DMRT1: variants seen among roughly 807,000 people sequenced by gnomAD.
DMRT1 encodes the protein doublesex- and mab-3-related transcription factor 1.
Under a neutral mutation model 32.3 loss-of-function variants are expected in DMRT1, and 7 were observed. That is an observed-to-expected ratio of 0.22 (90% confidence interval 0.12 to 0.41). The LOEUF (loss-of-function observed/expected upper bound fraction) is 0.41. DMRT1 is among the 10% of genes least tolerant of loss of function. The pLI is 1.00. For missense variants in DMRT1, 625 were observed against 500.5 expected (o/e 1.25, Z -2.37); for synonymous variants, 278 against 206.1 (o/e 1.35, Z -2.99).
chr9:856,377 T>A (rs1301130695), intron 2 of DMRT1, among the ~76,000 whole-genome samples: 2 of 152,148 alleles, frequency 1.3e-5, no homozygotes, highest in African/African-American at 4.8e-5. Flanking sequence ...TTTTGGAACA[T>A]TTCAGTCACT....
chr9:879,656 C>G (rs2132626647), intron 2 of DMRT1, among the ~76,000 whole-genome samples: 1 of 152,238 alleles, frequency 6.6e-6, no homozygotes, highest in African/African-American at 2.4e-5. Flanking sequence ...GATGTGGAAA[C>G]CAAAACCATG....
At chr9:918,005 G>A (rs188938015) in intron 4 of DMRT1, among the ~76,000 whole-genome samples, 1 of 152,338 alleles carries the variant, frequency 6.6e-6, no homozygotes, top group East Asian at 1.9e-4. Context: ...TATATAATGT[G>A]TGCCCATAGG....
intron 4 of DMRT1, among the ~76,000 whole-genome samples, chr9:919,957 G>A (rs559043209): frequency 2.6e-5 from 4 of 152,212 alleles, no homozygotes; most frequent in East Asian, 1.9e-4. Context: ...GATTTTCTAC[G>A]TATTTGTACA....
At chr9:845,298 C>T (rs1243340223) in intron 1 of DMRT1, among the ~76,000 whole-genome samples, 1 of 152,092 alleles carries the variant, frequency 6.6e-6, no homozygotes, top group Admixed American at 6.5e-5. Context: ...CAACCTCCAC[C>T]TCCTGGCTTC....
At chr9:942,654 G>C (rs145954789) in intron 4 of DMRT1, among the ~76,000 whole-genome samples, 36 of 152,204 alleles carry the variant, frequency 2.4e-4, no homozygotes, top group African/African-American at 7.7e-4. Context: ...GGTTCTGGAG[G>C]TACATCTCAA....
At chr9:861,514 C>T (rs78319614) in intron 2 of DMRT1, among the ~76,000 whole-genome samples, 44,582 of 152,192 alleles carry the variant, frequency 0.29, 6,639 homozygotes, top group Middle Eastern at 0.36. Context: ...CCCCACATTT[C>T]CCCCTTTTCT....
intron 1 of DMRT1, among the ~76,000 whole-genome samples, chr9:844,153 G>A (rs1454366346): frequency 1.3e-5 from 2 of 152,118 alleles, no homozygotes; most frequent in African/African-American, 4.8e-5. Context: ...AGTAGAGGAG[G>A]CTGCTTACAC....
chr9:848,801 C>T (rs1409261462), intron 2 of DMRT1, among the ~76,000 whole-genome samples: 1 of 149,156 alleles, frequency 6.7e-6, no homozygotes, highest in Non-Finnish European at 1.5e-5. Context: ...GTGATCCACC[C>T]ACCTCAGCTT....
rs991994111 is a variant in DMRT1, at chr9:880,683, G to C, written c.539-13229G>C. 7.2e-5 allele frequency among the ~76,000 whole-genome samples: 10 copies of C among 139,692 alleles called. 1 individual carries two copies. In the Admixed American group the frequency reaches 7.8e-4, roughly 11 times the overall value. 91.6% of individuals were successfully genotyped at this position (139,692 alleles called of 152,430 possible). On this transcript the variant is annotated intron_variant, in intron 2 of 4. Transcript: ENST00000382276. Reference sequence around the variant, plus strand: ...AGAGGTTGCAGTGAGCTGAGATTGTGTCATTGCACTCCAACCTGGGCAACC... The same window carrying C: ...AGAGGTTGCAGTGAGCTGAGATTGTCTCATTGCACTCCAACCTGGGCAACC...
At chr9:871,644 T>G (rs1816266947) in intron 2 of DMRT1, among the ~76,000 whole-genome samples, 1 of 136,924 alleles carries the variant, frequency 7.3e-6, no homozygotes, top group Admixed American at 7.5e-5. Context: ...CCGGCTAACT[T>G]TTTGTATTTT....
chr9:921,163 C>G (rs946243977), intron 4 of DMRT1, among the ~76,000 whole-genome samples: 5 of 152,136 alleles, frequency 3.3e-5, no homozygotes, highest in African/African-American at 1.2e-4. Context: ...CCCCCATCCT[C>G]CCTCCTCCAG....
In DMRT1 at chr9:879,754, G is replaced by A. The variant is rs371199441; in HGVS notation, c.539-14158G>A. ...AAGATCAGACTAGATCTGCTGGTGC[G>A]TTCAAGGTGGTATGGCCATAGACTC... On this transcript the variant is annotated intron_variant, in intron 2 of 4. Coordinates refer to ENST00000382276, the MANE Select transcript of DMRT1 (RefSeq NM_021951.3). 1.1e-4 allele frequency among the ~76,000 whole-genome samples: 16 copies of A among 152,264 alleles called. 1 individual carries two copies. Among genetic ancestry groups the A allele is most frequent in the Admixed American group, 4.6e-4 (7 of 15,296 alleles).
At chr9:849,832 T>C (rs1036039916) in intron 2 of DMRT1, among the ~76,000 whole-genome samples, 9 of 151,866 alleles carry the variant, frequency 5.9e-5, no homozygotes, top group South Asian at 2.1e-4. Flanking sequence ...TCTCTCTCTT[T>C]TTTTTTTTGA....
intron 1 of DMRT1, among the ~76,000 whole-genome samples, chr9:844,489 A>G (rs1838816890): frequency 1.4e-5 from 2 of 141,376 alleles, no homozygotes; most frequent in Admixed American, 6.8e-5. Flanking sequence ...GTTTCTGGCC[A>G]GATTCATTGA....
At chr9:889,368 A>G (rs1434185721) in intron 2 of DMRT1, among the ~76,000 whole-genome samples, 1 of 152,202 alleles carries the variant, frequency 6.6e-6, no homozygotes, top group Non-Finnish European at 1.5e-5. Context: ...TGCTCTTCCA[A>G]AGTTCAAATG....
At chr9:872,065 A>AC (rs1221903950) in intron 2 of DMRT1, among the ~76,000 whole-genome samples, 2 of 150,924 alleles carry the variant, frequency 1.3e-5, no homozygotes, top group Non-Finnish European at 2.9e-5. Context: ...CATAAAACTC[A>AC]CCATCTTTTT....
intron 2 of DMRT1, among the ~76,000 whole-genome samples, chr9:891,013 G>C (rs1031114955): frequency 6.6e-6 from 1 of 151,752 alleles, no homozygotes; most frequent in African/African-American, 2.4e-5. Flanking sequence ...TTACAGGCGT[G>C]AGCCACCGCG....
intron 3 of DMRT1, among the ~76,000 whole-genome samples, chr9:896,058 C>T (rs570820156): frequency 6.6e-6 from 1 of 152,030 alleles, no homozygotes; most frequent in East Asian, 1.9e-4. Context: ...CCACCTCAGC[C>T]TCCCAAAGTG....
At chr9:905,563 T>C (rs1817744824) in intron 3 of DMRT1, among the ~76,000 whole-genome samples, 1 of 151,670 alleles carries the variant, frequency 6.6e-6, no homozygotes, top group Admixed American at 6.6e-5. Flanking sequence ...AAATCACCTT[T>C]AAAGTGTATA....
Sources: gnomAD v4.1 joint callset for allele counts (sites outside exome capture counted in the v4.1 genomes callset) on GRCh38, gnomAD v4.1.1 for gene constraint, MANE v1.5 for transcripts, NCBI Gene and HGNC (gene_info 2026-07-23, HGNC 2026-07-21) for gene names.